The following CDK6 variants were observed in gnomAD, a reference collection of about 807,000 sequenced individuals.
CDK6 encodes cyclin dependent kinase 6.
In CDK6, 6 loss-of-function variants were observed where a neutral mutation model predicts 37.1. The ratio of observed to expected loss-of-function variants is 0.16; its 90% CI spans 0.09 to 0.32. CDK6 has a LOEUF of 0.32. Ranked by LOEUF, CDK6 falls within the 10% of genes least tolerant of loss-of-function variation. CDK6 has a pLI of 1.00. For synonymous variants in CDK6, 160 were observed against 161.3 expected (o/e 0.99, Z 0.06); for missense variants, 224 against 418.9 (o/e 0.53, Z 4.06).
In CDK6 at chr7:92,790,245, T is replaced by C. The variant is rs572692212; in HGVS notation, c.234-15414A>G. ...GAAGCCTTCAAATAATCGTAGATTGTTTCATTTCCCCACATGTTCAATCAA... is the reference window on the plus strand; with the variant it reads ...GAAGCCTTCAAATAATCGTAGATTGCTTCATTTCCCCACATGTTCAATCAA... On this transcript the variant is annotated intron_variant, in intron 2 of 7. Transcript: ENST00000424848. Among the ~76,000 whole-genome samples the C allele has an allele frequency of 3.3e-5, 5 of 152,262 alleles. No individual in the cohort carries two copies. The East Asian group carries it at 9.6e-4, about 29-fold the overall frequency.
chr7:92,623,187 A>C (rs368327390), intron 5 of CDK6, 101 bp from the exon 6 acceptor site: 15 of 803,586 alleles, frequency 1.9e-5, no homozygotes, highest in African/African-American at 8.7e-5. Context: ...AATATTCTTT[A>C]TGGGTTGGGA....
chr7:92,715,217 T>C (rs1178937200), intron 4 of CDK6, among the ~76,000 whole-genome samples: 1 of 152,046 alleles, frequency 6.6e-6, no homozygotes, highest in African/African-American at 2.4e-5. Context: ...AGAAATTTTT[T>C]AAAAAGAATT....
chr7:92,721,714 G>A (rs1001556324), intron 4 of CDK6, among the ~76,000 whole-genome samples: 1 of 152,112 alleles, frequency 6.6e-6, no homozygotes, highest in Non-Finnish European at 1.5e-5. Flanking sequence ...CATTCAGCCC[G>A]ATGTTGCATA....
chr7:92,673,185 C>T (rs181754221), intron 4 of CDK6, among the ~76,000 whole-genome samples: 41 of 152,300 alleles, frequency 2.7e-4, no homozygotes, highest in Non-Finnish European at 4.6e-4. Context: ...ACATTCAAGC[C>T]AACTGACCTC....
Position 92,606,350 on chromosome 7 carries a change from G to A in CDK6, c.*8790C>T. 1 of 233,324 alleles carries A rather than the reference G, an allele frequency of 4.3e-6. No individual in the cohort carries two copies. Among genetic ancestry groups the A allele is most frequent in the Non-Finnish European group, 8.5e-6 (1 of 118,056 alleles). The allele number at this position is 233,324 out of a possible 1,614,324, so 14.5% of individuals were successfully genotyped here. A position where few individuals can be genotyped will look rare whatever the true frequency, so the allele number is the denominator to read the frequency against. The stretch of plus-strand genomic sequence containing the variant: ...CATCAGGAACCATCTCTAGATGAAT[G>A]TGGCTAGGTCAAGTTGGGAGTGGTG... On this transcript the variant is annotated 3_prime_UTR_variant, in exon 8 of 8. Transcript: ENST00000424848.
chr7:92,814,474 A>G (rs1326499699), intron 2 of CDK6, among the ~76,000 whole-genome samples: 1 of 151,944 alleles, frequency 6.6e-6, no homozygotes, highest in East Asian at 1.9e-4. Flanking sequence ...GAACTGCTGC[A>G]TAACAAAAAC....
At chr7:92,820,654 T>C (rs183224040) in intron 2 of CDK6, among the ~76,000 whole-genome samples, 2 of 152,142 alleles carry the variant, frequency 1.3e-5, no homozygotes, top group East Asian at 1.9e-4. Flanking sequence ...AATTATTATA[T>C]GAAATAAAAA....
At chr7:92,660,899 A>G (rs371720158) in intron 5 of CDK6, among the ~76,000 whole-genome samples, 2 of 152,312 alleles carry the variant, frequency 1.3e-5, no homozygotes, top group East Asian at 1.9e-4. Flanking sequence ...GAGTCAGTCC[A>G]TTAAGAAACT....
Position 92,774,838 on chromosome 7 carries a change from G to A in CDK6, c.234-7C>T, listed in dbSNP as rs1377450671. 6.2e-7 allele frequency: 1 copy of A among 1,600,528 alleles called. No homozygotes were observed. Among genetic ancestry groups the A allele is most frequent in the Non-Finnish European group, 8.5e-7 (1 of 1,175,234 alleles). On this transcript the variant is annotated splice_region_variant and splice_polypyrimidine_tract_variant and intron_variant, in intron 2 of 7. Transcript: ENST00000424848. ...TGTGCACACATCAAACAACCTAGAA[G>A]AAAAAACAAAGAGGTTAAGTAGGTG...
chr7:92,699,808 T>C (rs1797802293), intron 4 of CDK6, among the ~76,000 whole-genome samples: 1 of 152,160 alleles, frequency 6.6e-6, no homozygotes, highest in South Asian at 2.1e-4. Flanking sequence ...CTGTGCGAGG[T>C]AGACGTAAAT....
intron 5 of CDK6, among the ~76,000 whole-genome samples, chr7:92,634,056 T>C (rs951446797): frequency 1.3e-5 from 2 of 152,172 alleles, no homozygotes; most frequent in African/African-American, 4.8e-5. Flanking sequence ...TTTTATATAA[T>C]CAAATATATT....
Position 92,778,676 on chromosome 7 carries a change from A to G in CDK6, c.234-3845T>C, listed in dbSNP as rs116842162. ...AGTTCCACAATCCCCAACTTTCTTTATATCTGTTGCTTGTATTTTTGTAAT... is the reference window on the plus strand; with the variant it reads ...AGTTCCACAATCCCCAACTTTCTTTGTATCTGTTGCTTGTATTTTTGTAAT... On this transcript the variant is annotated intron_variant, in intron 2 of 7. Transcript: ENST00000424848. 8.6e-3 allele frequency among the ~76,000 whole-genome samples: 1,303 copies of G among 152,160 alleles called. 10 individuals carry two copies. The highest frequency in any genetic ancestry group is 0.015 in the Non-Finnish European group (1,011 of 67,984).
intron 2 of CDK6, among the ~76,000 whole-genome samples, chr7:92,817,884 C>T (rs1026823906): frequency 1.3e-5 from 2 of 151,824 alleles, no homozygotes; most frequent in Admixed American, 6.6e-5. Context: ...TTTACAATAA[C>T]ATCCAAAAAC....
At chr7:92,697,373 CAA>C (rs1347113379) in intron 4 of CDK6, among the ~76,000 whole-genome samples, 1 of 152,192 alleles carries the variant, frequency 6.6e-6, no homozygotes, top group Non-Finnish European at 1.5e-5. Flanking sequence ...CGAAGTTTAT[CAA>C]GAGTCTTCCG....
At chr7:92,813,157 T>C (rs972796197) in intron 2 of CDK6, among the ~76,000 whole-genome samples, 2 of 152,222 alleles carry the variant, frequency 1.3e-5, no homozygotes, top group African/African-American at 4.8e-5. Flanking sequence ...AATGGGATAA[T>C]TTTTAAGGAC....
chr7:92,821,718 TTA>T (rs1801177415), intron 2 of CDK6, among the ~76,000 whole-genome samples: 2 of 151,454 alleles, frequency 1.3e-5, no homozygotes, highest in African/African-American at 4.8e-5. Context: ...ATTGTATAAA[TTA>T]TGTTATATAT....
At chr7:92,703,507 T>C (rs1203313218) in intron 4 of CDK6, among the ~76,000 whole-genome samples, 1 of 152,252 alleles carries the variant, frequency 6.6e-6, no homozygotes, top group Non-Finnish European at 1.5e-5. Flanking sequence ...ATCATTATAA[T>C]ATGACCTATG....
intron 3 of CDK6, among the ~76,000 whole-genome samples, chr7:92,731,506 G>A (rs1585437702): frequency 1.3e-5 from 2 of 152,184 alleles, no homozygotes; most frequent in African/African-American, 4.8e-5. Flanking sequence ...TGTGCATGAT[G>A]AGTCAGGCAC....
At chr7:92,680,325 A>T (rs1308217239) in intron 4 of CDK6, among the ~76,000 whole-genome samples, 1 of 148,648 alleles carries the variant, frequency 6.7e-6, no homozygotes, top group Non-Finnish European at 1.5e-5. Flanking sequence ...CCAGCTATTC[A>T]GGAGGCTGAG....
Sources: allele counts gnomAD v4.1 joint callset (sites outside exome capture counted in the v4.1 genomes callset), GRCh38; gene constraint gnomAD v4.1.1; transcripts MANE v1.5; gene names NCBI Gene and HGNC (gene_info 2026-07-23, HGNC 2026-07-21).